The following INSL6 variants were observed in gnomAD, a reference collection of about 807,000 sequenced individuals.
The protein encoded by INSL6 is insulin-like peptide INSL6.
Under a neutral mutation model 9.4 loss-of-function variants are expected in INSL6, and 16 were observed. The observed-to-expected ratio is 1.70, with a 90% CI of 1.15 to 2.59. INSL6 has a LOEUF of 2.59. INSL6 is among the 30% of genes most tolerant of loss of function. INSL6 has a pLI of 0.00. For missense variants in INSL6, 391 were observed against 257.3 expected, an observed-to-expected ratio of 1.52 and a Z score of -3.56; for synonymous variants, 154 against 96.9, an observed-to-expected ratio of 1.59 and a Z score of -3.46.
chr9:5,108,114 C>T, the INSL6 span: 1 of 152,084 alleles, frequency 6.6e-6, no homozygotes, highest in Admixed American at 6.6e-5. Flanking sequence ...TGATGTCACC[C>T]CTCCTAATTT....
intron 2 of INSL6, among the ~76,000 whole-genome samples, chr9:5,138,571 T>G (rs1824430369): frequency 6.6e-6 from 1 of 152,020 alleles, no homozygotes; most frequent in African/African-American, 2.4e-5. Context: ...ATCACACACC[T>G]GGCCTGTTGG....
chr9:5,128,034 G>C (rs945619429), intron 3 of INSL6: 1 of 231,770 alleles, frequency 4.3e-6, no homozygotes, highest in African/African-American at 2.2e-5. Context: ...TTGTTATAGT[G>C]CTACTCCACT....
chr9:5,101,954 G>C, the INSL6 span, among the ~76,000 whole-genome samples: 8 of 152,206 alleles, frequency 5.3e-5, no homozygotes, highest in Non-Finnish European at 7.3e-5. Context: ...AGAAACCAGA[G>C]CAGAAAAGCT....
the INSL6 span, among the ~76,000 whole-genome samples, chr9:5,082,333 A>G: frequency 0.53 from 80,862 of 152,082 alleles, 21,817 homozygotes; most frequent in African/African-American, 0.61. Flanking sequence ...AGTTCAAGGG[A>G]AGGTACTATG....
the INSL6 span, among the ~76,000 whole-genome samples, chr9:5,052,388 G>A: frequency 1.3e-5 from 2 of 151,898 alleles, no homozygotes; most frequent in Non-Finnish European, 2.9e-5. Context: ...TATAAACACA[G>A]ATGCAAAATG....
the INSL6 span, among the ~76,000 whole-genome samples, chr9:5,040,099 G>T: frequency 6.6e-6 from 1 of 152,132 alleles, no homozygotes; most frequent in South Asian, 2.1e-4. Context: ...TGATACTAAA[G>T]GATGAATATA....
At chr9:5,159,371 T>A (rs67491519), downstream of INSL6, among the ~76,000 whole-genome samples, 1,214 of 101,380 alleles carry the variant, frequency 0.012, 47 homozygotes, top group Admixed American at 0.07. Context: ...TTTTTTTTTT[T>A]AAAAAAAGGA....
At chr9:5,097,643 G>C in the INSL6 span, 3 of 152,152 alleles carry the variant, frequency 2.0e-5, no homozygotes, top group Non-Finnish European at 4.4e-5. Flanking sequence ...GCTACACTGC[G>C]TGGTGGTAAC....
chr9:5,171,773 G>A (rs537686212), intron 1 of INSL6, among the ~76,000 whole-genome samples: 1 of 152,172 alleles, frequency 6.6e-6, no homozygotes, highest in East Asian at 1.9e-4. Flanking sequence ...TATGAATACA[G>A]TTAGCGAGGA....
At chr9:5,153,325 C>T (rs1824749238) in intron 2 of INSL6, among the ~76,000 whole-genome samples, 1 of 152,130 alleles carries the variant, frequency 6.6e-6, no homozygotes, top group South Asian at 2.1e-4. Context: ...GCAGTCTAAG[C>T]CCCACTTGGG....
At chr9:5,163,715 G>A (rs569453005), downstream of INSL6, 84 of 533,042 alleles carry the variant, frequency 1.6e-4, no homozygotes, top group African/African-American at 1.0e-3. Flanking sequence ...TTCAAAAAGC[G>A]TATGAAAACT....
At chr9:5,066,149 C>T in the INSL6 span, among the ~76,000 whole-genome samples, 1 of 151,992 alleles carries the variant, frequency 6.6e-6, no homozygotes, top group African/African-American at 2.4e-5. Context: ...TTATATTTTG[C>T]TTTTCTTTCA....
chr9:4,992,113 G>C, the INSL6 span, among the ~76,000 whole-genome samples: 12 of 152,280 alleles, frequency 7.9e-5, no homozygotes, highest in Admixed American at 7.2e-4. Flanking sequence ...TGCCAGCCAG[G>C]GGTGACTTGA....
At chr9:5,009,232 A>C in the INSL6 span, among the ~76,000 whole-genome samples, 2 of 152,172 alleles carry the variant, frequency 1.3e-5, no homozygotes, top group East Asian at 1.9e-4. Context: ...GGGAAAGGAG[A>C]GAACGATCCA....
chr9:4,992,247 C>T, the INSL6 span, among the ~76,000 whole-genome samples: 1 of 152,142 alleles, frequency 6.6e-6, no homozygotes, highest in East Asian at 1.9e-4. Flanking sequence ...TGGATTTCCT[C>T]ACAATATGGT....
At chr9:5,088,830 A>AGAGTTCCACCCTTAT in the INSL6 span, among the ~76,000 whole-genome samples, 20 of 152,184 alleles carry the variant, frequency 1.3e-4, no homozygotes, top group Admixed American at 7.2e-4. Flanking sequence ...TTGTCACATT[A>AGAGTTCCACCCTTAT]GAGTTCCACC....
At chr9:5,014,796 C>G in the INSL6 span, among the ~76,000 whole-genome samples, 1 of 152,126 alleles carries the variant, frequency 6.6e-6, no homozygotes. Flanking sequence ...TACCACCCAC[C>G]CCAGGAACTA....
At chr9:5,111,126 C>A in the INSL6 span, 1 of 1,155,466 alleles carries the variant, frequency 8.7e-7, no homozygotes, top group Non-Finnish European at 1.2e-6. Flanking sequence ...TTGACCCCAG[C>A]TGGACGTTCA....
chr9:5,026,385 A>G, the INSL6 span, among the ~76,000 whole-genome samples: 2 of 152,226 alleles, frequency 1.3e-5, no homozygotes, highest in African/African-American at 4.8e-5. Flanking sequence ...GCTGCTAAAT[A>G]ATGTTATTAT....
Sources: allele counts gnomAD v4.1 joint callset (sites outside exome capture counted in the v4.1 genomes callset), GRCh38; gene constraint gnomAD v4.1.1; transcripts MANE v1.5; gene names NCBI Gene and HGNC (gene_info 2026-07-23, HGNC 2026-07-21).